Variants in CFAP20DC observed in about 807,000 individuals in gnomAD.
The protein encoded by CFAP20DC is CFAP20 domain containing, also known as protein CFAP20DC.
CFAP20DC carries 84 observed loss-of-function variants against 101.7 expected under a neutral mutation model. That is an observed-to-expected ratio of 0.83 (90% CI 0.69 to 0.99). The LOEUF is 0.99. Ranked by LOEUF, CFAP20DC falls within the 50% of genes least tolerant of loss-of-function variation. The probability of loss-of-function intolerance (pLI) is 0.00; values close to 1 mark genes in which losing one functional copy is unlikely to be tolerated. For missense variants in CFAP20DC, 1,007 were observed against 970.3 expected, an observed-to-expected ratio of 1.04 and a Z score of -0.50; for synonymous variants, 359 against 351.2, an observed-to-expected ratio of 1.02 and a Z score of -0.25.
chr3:58,890,159 G>T (rs1353380543), intron 6 of CFAP20DC, among the ~76,000 whole-genome samples: 1 of 149,212 alleles, frequency 6.7e-6, no homozygotes, highest in African/African-American at 2.5e-5. Flanking sequence ...CCTCCCGGAC[G>T]GGGCGGCTGG....
chr3:58,987,986 T>C (rs1227558043), intron 4 of CFAP20DC, among the ~76,000 whole-genome samples: 10 of 152,044 alleles, frequency 6.6e-5, no homozygotes, highest in Non-Finnish European at 1.2e-4. Context: ...CATAAAACTA[T>C]GTGAGGATGA....
chr3:58,898,196 A>G (rs1467011995), intron 6 of CFAP20DC, among the ~76,000 whole-genome samples: 1 of 145,812 alleles, frequency 6.9e-6, no homozygotes, highest in Non-Finnish European at 1.5e-5. Context: ...TTTTTGTGAG[A>G]TAGTGTCTCA....
downstream of CFAP20DC, chr3:58,737,282 C>A (rs1218595677): frequency 2.2e-6 from 1 of 455,892 alleles, no homozygotes; most frequent in African/African-American, 2.0e-5. This position sits in a 1 kb window ranked among gnomAD's most constrained non-coding sequence, Gnocchi z 4.1. Flanking sequence ...TAACCACCCC[C>A]CACCCCACTA....
chr3:58,992,027 AT>A (rs1263838466), intron 4 of CFAP20DC, among the ~76,000 whole-genome samples: 1 of 152,190 alleles, frequency 6.6e-6, no homozygotes, highest in African/African-American at 2.4e-5. Flanking sequence ...AGTATTAAGT[AT>A]TTTGTTTCTA....
At chr3:58,880,302 A>G (rs186291893) in intron 7 of CFAP20DC, among the ~76,000 whole-genome samples, 34 of 152,250 alleles carry the variant, frequency 2.2e-4, no homozygotes, top group African/African-American at 8.2e-4. Context: ...ATTTCTATCA[A>G]TGAGATCATA....
chr3:58,766,879 T>G (rs76931577), intron 15 of CFAP20DC, among the ~76,000 whole-genome samples: 12,627 of 152,246 alleles, frequency 0.083, 888 homozygotes, highest in East Asian at 0.35. Flanking sequence ...AGCCTTTGTA[T>G]TTTGGCTAAA....
chr3:58,876,770 T>A (rs939540960), intron 7 of CFAP20DC, among the ~76,000 whole-genome samples: 1 of 152,216 alleles, frequency 6.6e-6, no homozygotes, highest in African/African-American at 2.4e-5. Flanking sequence ...TGAATTTTCA[T>A]ATCTAATCAC....
chr3:58,819,048 A>T (rs2075413257), intron 14 of CFAP20DC, among the ~76,000 whole-genome samples: 2 of 150,782 alleles, frequency 1.3e-5, no homozygotes, highest in Non-Finnish European at 3.0e-5. Flanking sequence ...ACTACTGGGT[A>T]CATAACGAAA....
chr3:58,936,093 C>T (rs1463133930), intron 5 of CFAP20DC, among the ~76,000 whole-genome samples: 7 of 151,940 alleles, frequency 4.6e-5, no homozygotes, highest in African/African-American at 1.7e-4. Flanking sequence ...AACAAACAAC[C>T]CCATCAAAAA....
chr3:58,924,291 G>A (rs1484985646), intron 5 of CFAP20DC, among the ~76,000 whole-genome samples: 1 of 152,040 alleles, frequency 6.6e-6, no homozygotes, highest in Non-Finnish European at 1.5e-5. Flanking sequence ...ATGTACATGT[G>A]TATCCATTGT....
At chr3:58,794,159 A>G in intron 15 of CFAP20DC, 1 of 315,522 alleles carries the variant, frequency 3.2e-6, no homozygotes. Context: ...CTCAAAAGTC[A>G]AAAGCAAATA....
intron 15 of CFAP20DC, among the ~76,000 whole-genome samples, chr3:58,787,908 G>A (rs1478268587): frequency 6.6e-6 from 1 of 150,980 alleles, no homozygotes; most frequent in Non-Finnish European, 1.5e-5. Flanking sequence ...AACACTGCAT[G>A]TTCTCACTCA....
chr3:59,029,766 T>C (rs2093954868), intron 4 of CFAP20DC, among the ~76,000 whole-genome samples: 1 of 152,096 alleles, frequency 6.6e-6, no homozygotes, highest in Admixed American at 6.6e-5. Context: ...ACTGGGAAGC[T>C]CTAAGAGTGG....
intron 4 of CFAP20DC, among the ~76,000 whole-genome samples, chr3:59,009,397 G>C (rs2093525922): frequency 1.3e-5 from 2 of 151,142 alleles, no homozygotes. Context: ...ACCAAAGAAA[G>C]GTAAAAACCA....
intron 5 of CFAP20DC, among the ~76,000 whole-genome samples, chr3:58,934,020 A>G (rs957041683): frequency 4.6e-5 from 7 of 152,268 alleles, no homozygotes; most frequent in African/African-American, 1.4e-4. Flanking sequence ...TTGATAGACC[A>G]CTAGCAAGAC....
chr3:58,932,459 G>C (rs1288948012), intron 5 of CFAP20DC, among the ~76,000 whole-genome samples: 1 of 151,954 alleles, frequency 6.6e-6, no homozygotes, highest in Non-Finnish European at 1.5e-5. Flanking sequence ...GCAACTCCAA[G>C]ACACATAATT....
intron 6 of CFAP20DC, among the ~76,000 whole-genome samples, chr3:58,893,843 C>A (rs992269393): frequency 2.6e-5 from 4 of 151,408 alleles, no homozygotes; most frequent in Non-Finnish European, 5.9e-5. Context: ...TAAAGACATA[C>A]CTGAGACTGG....
intron 4 of CFAP20DC, chr3:58,992,664 A>C (rs2092980077): frequency 1.9e-6 from 1 of 540,354 alleles, no homozygotes; most frequent in South Asian, 8.1e-5. Flanking sequence ...AATTTGTTCA[A>C]ATTTACATTT....
chr3:58,733,833 A>G (rs1228582353), intron 3 of CFAP20DC, among the ~76,000 whole-genome samples: 1 of 152,240 alleles, frequency 6.6e-6, no homozygotes, highest in Non-Finnish European at 1.5e-5. Flanking sequence ...TTTACAACTT[A>G]TTGCATGAAA....
Sources: gnomAD v4.1 joint callset for allele counts (sites outside exome capture counted in the v4.1 genomes callset) on GRCh38, gnomAD v4.1.1 for gene constraint, Gnocchi (gnomAD v3.1) non-coding constraint, MANE v1.5 for transcripts, NCBI Gene and HGNC (gene_info 2026-07-23, HGNC 2026-07-21) for gene names.